Variants in RBFOX1 observed in about 807,000 individuals in gnomAD.
The protein encoded by RBFOX1 is RNA binding protein fox-1 homolog 1.
RBFOX1 carries 8 observed loss-of-function variants against 57.7 expected under a neutral mutation model. That is an observed-to-expected ratio of 0.14 (90% CI 0.08 to 0.25). RBFOX1 has a LOEUF of 0.25. RBFOX1 is among the 10% of genes least tolerant of loss of function. RBFOX1 has a pLI of 1.00. For missense variants in RBFOX1, 611 were observed against 548.5 expected, an observed-to-expected ratio of 1.11 and a Z score of -1.14; for synonymous variants, 326 against 222.4, an observed-to-expected ratio of 1.47 and a Z score of -4.15.
intron 5 of RBFOX1, among the ~76,000 whole-genome samples, chr16:7,556,506 A>C (rs924138097): frequency 3.3e-5 from 5 of 152,218 alleles, no homozygotes; most frequent in Admixed American, 3.3e-4. Context: ...TATTTGTATA[A>C]GCAACTCAGT....
At chr16:5,322,911 G>T (rs932935202) in intron 1 of RBFOX1, among the ~76,000 whole-genome samples, 1 of 152,164 alleles carries the variant, frequency 6.6e-6, no homozygotes, top group Non-Finnish European at 1.5e-5. Flanking sequence ...GCATGAATGG[G>T]TGGTTTTGTC....
chr16:7,016,316 G>A (rs949521885), intron 3 of RBFOX1, among the ~76,000 whole-genome samples: 4 of 152,188 alleles, frequency 2.6e-5, no homozygotes, highest in Non-Finnish European at 5.9e-5. Flanking sequence ...TCAAACTGAA[G>A]ACTGGGAGTT....
chr16:5,757,816 C>G (rs564259184), intron 3 of RBFOX1, among the ~76,000 whole-genome samples: 2 of 152,294 alleles, frequency 1.3e-5, no homozygotes, highest in East Asian at 3.9e-4. Context: ...AGCTTGTCAT[C>G]TGTCTGATTT....
At chr16:6,524,291 C>A (rs770954735) in intron 2 of RBFOX1, among the ~76,000 whole-genome samples, 2 of 152,168 alleles carry the variant, frequency 1.3e-5, no homozygotes, top group Non-Finnish European at 2.9e-5. Flanking sequence ...CAATGATCTC[C>A]AGTTCATTCT....
intron 4 of RBFOX1, 50 bp downstream of exon 4, chr16:7,052,148 T>C (rs775024426): frequency 2.5e-6 from 4 of 1,575,764 alleles, no homozygotes; most frequent in African/African-American, 2.7e-5. Flanking sequence ...TTTTGTGTGA[T>C]AAGCAAAAAT....
At chr16:5,770,176 G>C (rs1281619663) in intron 3 of RBFOX1, among the ~76,000 whole-genome samples, 1 of 151,978 alleles carries the variant, frequency 6.6e-6, no homozygotes, top group Non-Finnish European at 1.5e-5. Context: ...CTCTCATGTT[G>C]GACCTGAGGT....
At chr16:5,829,065 C>T (rs2056174530) in intron 3 of RBFOX1, among the ~76,000 whole-genome samples, 1 of 152,126 alleles carries the variant, frequency 6.6e-6, no homozygotes, top group Non-Finnish European at 1.5e-5. Context: ...TTTCCCTGTG[C>T]TGCATTCTAT....
intron 2 of RBFOX1, among the ~76,000 whole-genome samples, chr16:5,561,381 T>A (rs911114997): frequency 9.2e-5 from 14 of 152,178 alleles, no homozygotes; most frequent in Non-Finnish European, 4.4e-5. Flanking sequence ...CATTTTTTTT[T>A]TCTTTAAAAA....
At chr16:6,950,922 T>C (rs559842976) in intron 3 of RBFOX1, among the ~76,000 whole-genome samples, 1 of 152,140 alleles carries the variant, frequency 6.6e-6, no homozygotes, top group East Asian at 1.9e-4. Flanking sequence ...CTCTTTTTTT[T>C]TGACATAGGA....
At chr16:6,784,140 T>G (rs1298304801) in intron 3 of RBFOX1, among the ~76,000 whole-genome samples, 1 of 152,118 alleles carries the variant, frequency 6.6e-6, no homozygotes, top group Non-Finnish European at 1.5e-5. Context: ...GTTGCTTGAC[T>G]TTCTTGTACC....
At chr16:5,807,441 T>G (rs1038614321) in intron 3 of RBFOX1, among the ~76,000 whole-genome samples, 1 of 152,074 alleles carries the variant, frequency 6.6e-6, no homozygotes, top group Non-Finnish European at 1.5e-5. Context: ...CTGCAAAAGG[T>G]GGAGCTGGGT....
intron 3 of RBFOX1, among the ~76,000 whole-genome samples, chr16:6,689,727 C>T (rs2059939216): frequency 6.6e-6 from 1 of 152,140 alleles, no homozygotes; most frequent in Non-Finnish European, 1.5e-5. Context: ...TTGGTTCTTC[C>T]CTGAAACTCC....
chr16:6,215,361 AGAGAAG>A (rs1363704918), intron 1 of RBFOX1, among the ~76,000 whole-genome samples: 3 of 139,206 alleles, frequency 2.2e-5, no homozygotes, highest in African/African-American at 5.5e-5. Context: ...AGGGACAGGG[AGAGAAG>A]GAGAAGGGGA....
rs191276335 is a variant in RBFOX1, at chr16:7,103,603, G to C, written c.27+51505G>C. On this transcript the variant is annotated intron_variant, in intron 4 of 15. Transcript: ENST00000550418. ...CCAAGATGCTAAAAGTGATTAGTTT[G>C]AATGATTTCTCTTCTTCACCTCTCT... 9.7e-4 allele frequency among the ~76,000 whole-genome samples: 148 copies of C among 152,274 alleles called. 1 individual carries two copies. Among genetic ancestry groups the C allele is most frequent in the African/African-American group, 3.5e-3 (145 of 41,568 alleles).
At chr16:6,973,888 T>C (rs902037422) in intron 3 of RBFOX1, among the ~76,000 whole-genome samples, 1 of 152,180 alleles carries the variant, frequency 6.6e-6, no homozygotes, top group Non-Finnish European at 1.5e-5. Context: ...CATCAACGTA[T>C]TAAGCCCAGC....
chr16:6,799,507 C>T (rs538674750), intron 3 of RBFOX1, among the ~76,000 whole-genome samples: 5 of 152,144 alleles, frequency 3.3e-5, no homozygotes, highest in Admixed American at 2.0e-4. Flanking sequence ...TTGAAGGATG[C>T]CTAGAGAGCT....
At chr16:7,608,983 G>A (rs1422581722) in intron 10 of RBFOX1, among the ~76,000 whole-genome samples, 2 of 152,106 alleles carry the variant, frequency 1.3e-5, no homozygotes, top group Admixed American at 6.5e-5. Context: ...GGGATCGGGG[G>A]CATGGCAGTT....
chr16:6,610,322 T>C (rs576198215), intron 2 of RBFOX1, among the ~76,000 whole-genome samples: 91 of 147,070 alleles, frequency 6.2e-4, no homozygotes, highest in African/African-American at 2.1e-3. Flanking sequence ...CAGGGAAACA[T>C]TGACATTCTT....
intron 1 of RBFOX1, among the ~76,000 whole-genome samples, chr16:6,274,143 C>G (rs1453945652): frequency 6.6e-6 from 1 of 152,172 alleles, no homozygotes; most frequent in African/African-American, 2.4e-5. Flanking sequence ...TATAGTGGAG[C>G]AGTTTCTTTA....
Sources: allele counts gnomAD v4.1 joint callset (sites outside exome capture counted in the v4.1 genomes callset), GRCh38; gene constraint gnomAD v4.1.1; transcripts MANE v1.5; gene names NCBI Gene and HGNC (gene_info 2026-07-23, HGNC 2026-07-21).